Variants in HNRNPK observed in about 807,000 individuals in gnomAD.
HNRNPK encodes the protein dC-stretch binding protein.
HNRNPK carries 7 observed loss-of-function variants against 67.0 expected under a neutral mutation model. The ratio of observed to expected loss-of-function variants is 0.10; its 90% CI spans 0.06 to 0.20. The LOEUF is 0.20. Among genes scored for constraint, HNRNPK ranks in the 10% least tolerant of loss-of-function variants. The pLI, the probability that HNRNPK is intolerant of heterozygous loss-of-function variation, is 1.00. For synonymous variants in HNRNPK, 213 were observed against 193.7 expected, an observed-to-expected ratio of 1.10 and a Z score of -0.83; for missense variants, 264 against 606.5, an observed-to-expected ratio of 0.44 and a Z score of 5.93.
chr9:83,979,733 C>T (rs1957282956), intron 1 of HNRNPK, among the ~76,000 whole-genome samples: 1 of 152,098 alleles, frequency 6.6e-6, no homozygotes, highest in Non-Finnish European at 1.5e-5. Context: ...GCATCCTCCC[C>T]CCACTGCCCG....
chr9:83,974,345 T>TAA (rs201109349), intron 7 of HNRNPK, among the ~76,000 whole-genome samples, 172 bp downstream of exon 7: 2 of 139,504 alleles, frequency 1.4e-5, no homozygotes, highest in East Asian at 2.0e-4. Context: ...GTTTTTTTTT[T>TAA]TAAAAAAAAA....
At chr9:83,971,542 T>A in intron 12 of HNRNPK, 130 bp downstream of exon 12, 2 of 844,264 alleles carry the variant, frequency 2.4e-6, no homozygotes, top group Non-Finnish European at 3.9e-6. Context: ...CAGAATTATT[T>A]AACTAGTAAT....
Position 83,969,173 on chromosome 9 carries a change from A to G in HNRNPK, c.*234T>C. ...TCAAAATTTCAATGTTAGTTTTTGC[A>G]CGCCCTTCCCCCCCCCAACCCTGTT... On this transcript the variant is annotated 3_prime_UTR_variant, in exon 17 of 17. Transcript: ENST00000376263. 1 of 530,664 alleles carries G rather than the reference A, an allele frequency of 1.9e-6. No individual in the cohort carries two copies. Among genetic ancestry groups the G allele is most frequent in the Non-Finnish European group, 3.4e-6 (1 of 294,540 alleles). 32.9% of individuals were successfully genotyped at this position (530,664 alleles called of 1,614,324 possible).
intron 2 of HNRNPK, 43 bp downstream of exon 2, chr9:83,978,330 G>GA: frequency 8.6e-6 from 8 of 933,372 alleles, no homozygotes; most frequent in South Asian, 8.2e-5. Flanking sequence ...AAAGCAAGCT[G>GA]TAAAAAAAAA....
intron 16 of HNRNPK, chr9:83,969,806 C>CT (rs1956743244): frequency 1.6e-6 from 1 of 619,388 alleles, no homozygotes; most frequent in South Asian, 1.4e-5. Context: ...ATTTAGTTAT[C>CT]TAAAAACAAC....
At chr9:83,972,819 G>A (rs1219387868) in intron 10 of HNRNPK, 25 bp downstream of exon 10, 2 of 1,543,668 alleles carry the variant, frequency 1.3e-6, no homozygotes. Context: ...AAAATCAAAT[G>A]TAAACAAAAA....
chr9:83,970,476 G>T, intron 15 of HNRNPK, 145 bp from the exon 16 acceptor site: 1 of 699,208 alleles, frequency 1.4e-6, no homozygotes, highest in Non-Finnish European at 2.4e-6. Flanking sequence ...CAAGGTTTGA[G>T]TTATAATGTA....
intron 5 of HNRNPK, 167 bp downstream of exon 5, chr9:83,976,828 T>C (rs1588431356): frequency 4.1e-6 from 2 of 482,520 alleles, no homozygotes; most frequent in East Asian, 3.2e-5. Context: ...TCTGGGCTTT[T>C]GTTAAAACAG....
rs1372517868 is a variant in HNRNPK at position 83,968,498 on chromosome 9, T to C, written c.*909A>G. ...ATTTTTTCAGCATTAGTCACTTCCA[T>C]AACCAAGTGTTATTCTGATTAATAA... On this transcript the variant is annotated 3_prime_UTR_variant, in exon 17 of 17. Transcript: ENST00000376263. 3.3e-5 allele frequency: 5 copies of C among 152,602 alleles called. No individual in the cohort carries two copies. The highest frequency in any genetic ancestry group is 9.7e-5 in the African/African-American group (4 of 41,442). The allele number at this position is 152,602 out of a possible 1,614,324, so 9.5% of individuals were successfully genotyped here.
chr9:83,976,268 C>T (rs1018636763), intron 5 of HNRNPK, among the ~76,000 whole-genome samples: 2 of 152,102 alleles, frequency 1.3e-5, no homozygotes, highest in Non-Finnish European at 2.9e-5. Flanking sequence ...AAGTACTCGA[C>T]ACAAAGTTAT....
Position 83,968,117 on chromosome 9 carries a change from C to T in HNRNPK, c.*1290G>A, listed in dbSNP as rs11140311. ...TTACTATATTTCCTTTTAAGAGGAA[C>T]GTTTCAACAAATTTTACAGGTGTCA... On this transcript the variant is annotated 3_prime_UTR_variant, in exon 17 of 17. Coordinates refer to ENST00000376263, the MANE Select transcript of HNRNPK (RefSeq NM_031263.4). 6.4e-3 allele frequency: 976 copies of T among 152,608 alleles called. 4 individuals carry two copies. Among genetic ancestry groups the T allele is most frequent in the Non-Finnish European group, 9.8e-3 (665 of 68,010 alleles). 9.5% of individuals were successfully genotyped at this position (152,608 alleles called of 1,614,324 possible).
chr9:83,972,573 A>G (rs185719892), intron 10 of HNRNPK, among the ~76,000 whole-genome samples: 9 of 152,340 alleles, frequency 5.9e-5, no homozygotes, highest in African/African-American at 1.9e-4. Flanking sequence ...TGAGATAGGA[A>G]GCCCTGCAGC....
chr9:83,970,214 T>C lies in HNRNPK; in HGVS notation c.1309A>G (p.Ile437Val). The C allele has an allele frequency of 6.2e-7, 1 of 1,613,696 alleles. No homozygotes were observed. The highest frequency in any genetic ancestry group is 8.5e-7 in the Non-Finnish European group (1 of 1,179,676). Residue 437 changes from isoleucine (I) to valine (V), a missense_variant, in exon 16 of 17, where the codon ATT (isoleucine) becomes GTT (valine). Coordinates refer to ENST00000376263, the MANE Select transcript of HNRNPK (RefSeq NM_031263.4). ...LEGSEDRIIT[I>V]TGTQDQIQNA... is the part of the protein sequence containing the mutation. ...TGTATCTGGTCCTGTGTTCCTGTAA[T>C]GGTAATGATCCGATCTTCGGATCCT...
intron 10 of HNRNPK, 36 bp from the exon 11 acceptor site, chr9:83,972,225 GAA>G (rs756829398): frequency 1.2e-5 from 18 of 1,466,888 alleles, no homozygotes; most frequent in South Asian, 2.6e-5. Flanking sequence ...ACAGACTGAA[GAA>G]AAAGAGTCCT....
chr9:83,979,359 G>A (rs973461690), intron 1 of HNRNPK, among the ~76,000 whole-genome samples: 1 of 152,238 alleles, frequency 6.6e-6, no homozygotes, highest in Non-Finnish European at 1.5e-5. Context: ...GGTGGGAGAA[G>A]AGTTGGATAA....
Position 83,969,126 on chromosome 9 carries a change from A to G in HNRNPK, c.*281T>C, listed in dbSNP as rs1187053248. On this transcript the variant is annotated 3_prime_UTR_variant, in exon 17 of 17. Coordinates refer to ENST00000376263, the MANE Select transcript of HNRNPK (RefSeq NM_031263.4). ...ACCACCAACAATAACGAAAAATAAA[A>G]TCCACTCACTCTGCTGCTGTTTCAA... The G allele has an allele frequency of 1.2e-5, 6 of 508,414 alleles. No homozygotes were observed. Among genetic ancestry groups the G allele is most frequent in the South Asian group, 3.2e-5 (1 of 31,218 alleles). 31.5% of individuals were successfully genotyped at this position (508,414 alleles called of 1,614,324 possible). A position where few individuals can be genotyped will look rare whatever the true frequency, so the allele number is the denominator to read the frequency against.
In HNRNPK at chr9:83,977,111, A is replaced by G. The variant is rs296886; in HGVS notation, c.157-60T>C. The G allele has an allele frequency of 0.2, 233,109 of 1,150,126 alleles. 26,159 individuals carry two copies. The highest frequency in any genetic ancestry group is 0.27 in the Middle Eastern group (1,393 of 5,228). 71.2% of individuals were successfully genotyped at this position (1,150,126 alleles called of 1,614,324 possible). A position where few individuals can be genotyped will look rare whatever the true frequency, so the allele number is the denominator to read the frequency against. ...CTTTCCCTAAAATTAATAGCTACCT[A>G]CGCTCTTAGATTTTGCTAAAAAATC... On this transcript the variant is annotated intron_variant, in intron 4 of 16. Transcript: ENST00000376263.
intron 4 of HNRNPK, among the ~76,000 whole-genome samples, chr9:83,977,385 A>G (rs1957118935): frequency 6.6e-6 from 1 of 152,196 alleles, no homozygotes; most frequent in Non-Finnish European, 1.5e-5. Context: ...TGATCAAACA[A>G]TAAACTGCCA....
chr9:83,977,165 A>T, intron 4 of HNRNPK, 114 bp from the exon 5 acceptor site: 3 of 745,672 alleles, frequency 4.0e-6, no homozygotes, highest in Non-Finnish European at 6.8e-6. Context: ...AAGAATAAAA[A>T]TCTATTTGGG....
Sources: allele counts gnomAD v4.1 joint callset (sites outside exome capture counted in the v4.1 genomes callset), GRCh38; gene constraint gnomAD v4.1.1; transcripts MANE v1.5; gene names NCBI Gene and HGNC (gene_info 2026-07-23, HGNC 2026-07-21).